The following CDH12 variants were observed in gnomAD, a reference collection of about 807,000 sequenced individuals.
CDH12 encodes cadherin 12, also known as cadherin-12.
In CDH12, 41 loss-of-function variants were observed where a neutral mutation model predicts 74.1. The observed-to-expected ratio is 0.55, with a 90% CI of 0.43 to 0.72. The LOEUF is 0.72. Among genes scored for constraint, CDH12 ranks in the 30% least tolerant of loss-of-function variants. The pLI is 0.00. For synonymous variants in CDH12, 399 were observed against 355.0 expected, an observed-to-expected ratio of 1.12 and a Z score of -1.39; for missense variants, 945 against 977.2, an observed-to-expected ratio of 0.97 and a Z score of 0.44.
chr5:22,361,911 C>T (rs944881087), intron 3 of CDH12, among the ~76,000 whole-genome samples: 21 of 152,078 alleles, frequency 1.4e-4, no homozygotes, highest in African/African-American at 7.2e-5. Context: ...CTTCCTTACA[C>T]CTTATACAAA....
At chr5:21,954,466 T>A (rs1445223945) in intron 6 of CDH12, among the ~76,000 whole-genome samples, 3 of 152,128 alleles carry the variant, frequency 2.0e-5, no homozygotes, top group Non-Finnish European at 2.9e-5. Flanking sequence ...CTAACTGTTA[T>A]CCCATCCTGA....
chr5:22,159,921 G>GCA (rs1748231022), intron 4 of CDH12, among the ~76,000 whole-genome samples: 1 of 151,798 alleles, frequency 6.6e-6, no homozygotes, highest in Non-Finnish European at 1.5e-5. Context: ...GTGTGCGTGT[G>GCA]TGCGTGCATG....
intron 4 of CDH12, among the ~76,000 whole-genome samples, chr5:22,121,638 A>G (rs1339192323): frequency 6.6e-6 from 1 of 152,214 alleles, no homozygotes; most frequent in Non-Finnish European, 1.5e-5. Flanking sequence ...CATTGTAAAT[A>G]CAGTATAAGC....
chr5:22,080,231 A>T (rs2150227279), intron 4 of CDH12, among the ~76,000 whole-genome samples: 1 of 152,328 alleles, frequency 6.6e-6, no homozygotes, highest in African/African-American at 2.4e-5. Flanking sequence ...AGTCAGCTGC[A>T]GTTCAGAACA....
intron 6 of CDH12, among the ~76,000 whole-genome samples, chr5:21,942,532 T>C (rs1755386278): frequency 6.6e-6 from 1 of 151,856 alleles, no homozygotes; most frequent in South Asian, 2.1e-4. Context: ...AATAGTGCTC[T>C]ATTGTTTTCC....
At chr5:22,850,523 C>A (rs1737501636) in intron 1 of CDH12, among the ~76,000 whole-genome samples, 1 of 151,946 alleles carries the variant, frequency 6.6e-6, no homozygotes, top group African/African-American at 2.4e-5. Flanking sequence ...ATTTGTTAAA[C>A]AGGAAGGATA....
At position 22,739,326 on chromosome 5, in the gene CDH12, A is replaced by T. The variant is rs1181476130; in HGVS notation, c.-523+113732T>A. Among the ~76,000 whole-genome samples, 50 of 123,844 alleles carry T rather than the reference A, an allele frequency of 4.0e-4. 1 individual carries two copies. The highest frequency in any genetic ancestry group is 1.4e-3 in the African/African-American group (48 of 34,922). 81.2% of individuals were successfully genotyped at this position (123,844 alleles called of 152,430 possible). A position where few individuals can be genotyped will look rare whatever the true frequency, so the allele number is the denominator to read the frequency against. On this transcript the variant is annotated intron_variant, in intron 1 of 14. Transcript: ENST00000382254. ...GAATTTAAAAATTTTACTTTTTTTTACTTACATTAAAGAAAAAACTCTGAC... is the reference window on the plus strand; with the variant it reads ...GAATTTAAAAATTTTACTTTTTTTTTCTTACATTAAAGAAAAAACTCTGAC...
chr5:22,061,836 C>T (rs1409793250), intron 5 of CDH12, among the ~76,000 whole-genome samples: 1 of 152,136 alleles, frequency 6.6e-6, no homozygotes, highest in African/African-American at 2.4e-5. Flanking sequence ...TACTATGTGA[C>T]ACTCTACATT....
intron 1 of CDH12, among the ~76,000 whole-genome samples, chr5:22,555,915 C>CA (rs34381365): frequency 1.3e-5 from 2 of 150,662 alleles, no homozygotes; most frequent in African/African-American, 2.4e-5. Flanking sequence ...AAAAACTGGT[C>CA]AAAAAAAAGG....
intron 1 of CDH12, among the ~76,000 whole-genome samples, chr5:22,682,871 T>C (rs1002850851): frequency 3.9e-5 from 6 of 152,040 alleles, no homozygotes; most frequent in Non-Finnish European, 5.9e-5. Flanking sequence ...AATTAACAAT[T>C]TTGCTATCTT....
In CDH12 at chr5:22,039,434, A is replaced by C. The variant is rs185931717; in HGVS notation, c.231+39012T>G. 1.7e-3 allele frequency among the ~76,000 whole-genome samples: 257 copies of C among 152,232 alleles called. 3 individuals carry two copies. The highest frequency in any genetic ancestry group is 5.8e-3 in the African/African-American group (241 of 41,526). On this transcript the variant is annotated intron_variant, in intron 5 of 14. Transcript: ENST00000382254. ...AGGGTGAACTTGCACCACAAGACCC[A>C]GTGTCACAATAGGTTCACAAGACCC...
intron 5 of CDH12, among the ~76,000 whole-genome samples, chr5:22,040,274 A>G (rs1367526056): frequency 2.6e-5 from 4 of 152,136 alleles, no homozygotes; most frequent in Admixed American, 2.6e-4. Context: ...GACAAAAAGA[A>G]TGAAACAAAG....
At chr5:22,150,755 G>C (rs1355997802) in intron 4 of CDH12, among the ~76,000 whole-genome samples, 1 of 152,138 alleles carries the variant, frequency 6.6e-6, no homozygotes, top group Non-Finnish European at 1.5e-5. Flanking sequence ...CCTGTGCTTA[G>C]ATATTCTAAT....
chr5:22,808,605 C>CTTTTTTTTT (rs34567315), intron 1 of CDH12, among the ~76,000 whole-genome samples: 3 of 111,484 alleles, frequency 2.7e-5, no homozygotes, highest in African/African-American at 3.7e-5. Context: ...CTTTTCTTGT[C>CTTTTTTTTT]TTTTTTTTTT....
chr5:22,760,032 G>C (rs779277732), intron 1 of CDH12, among the ~76,000 whole-genome samples: 84 of 152,160 alleles, frequency 5.5e-4, no homozygotes, highest in Non-Finnish European at 1.1e-3. Flanking sequence ...AATCTCATCT[G>C]AAAATACCTT....
chr5:22,580,923 T>C (rs1000716002), intron 1 of CDH12: 1 of 162,976 alleles, frequency 6.1e-6, no homozygotes, highest in Admixed American at 6.4e-5. Context: ...ATTTAGGATA[T>C]CTGGTGGAAG....
At chr5:22,477,299 C>A (rs922892885) in intron 2 of CDH12, among the ~76,000 whole-genome samples, 7 of 152,154 alleles carry the variant, frequency 4.6e-5, no homozygotes, top group African/African-American at 1.7e-4. Context: ...TATATGTTCT[C>A]ATCATTTAGC....
intron 6 of CDH12, among the ~76,000 whole-genome samples, chr5:21,873,725 A>G (rs1751770049): frequency 6.6e-6 from 1 of 152,180 alleles, no homozygotes; most frequent in Non-Finnish European, 1.5e-5. Context: ...TGCACCTATC[A>G]ACCTATCACC....
intron 1 of CDH12, among the ~76,000 whole-genome samples, chr5:22,573,557 ATTGCCTTTCTAAAAGAAAGCAAC>A (rs1383266401): frequency 1.3e-5 from 2 of 152,192 alleles, no homozygotes; most frequent in Non-Finnish European, 2.9e-5. Context: ...ATTAACTCTA[ATTGCCTTTCTAAAAGAAAGCAAC>A]CATGTCTAAA....
Sources: gnomAD v4.1 joint callset for allele counts (sites outside exome capture counted in the v4.1 genomes callset) on GRCh38, gnomAD v4.1.1 for gene constraint, MANE v1.5 for transcripts, NCBI Gene and HGNC (gene_info 2026-07-23, HGNC 2026-07-21) for gene names.